Variants in SOX13 observed in about 807,000 individuals in gnomAD.
The protein encoded by SOX13 is SRY-box transcription factor 13.
SOX13 carries 28 observed loss-of-function variants against 71.8 expected under a neutral mutation model. The ratio of observed to expected loss-of-function variants is 0.39; its 90% CI spans 0.29 to 0.53. SOX13 has a LOEUF of 0.53. SOX13 is among the 20% of genes least tolerant of loss of function. The pLI is 0.70. For missense variants in SOX13, 627 were observed against 810.3 expected, an observed-to-expected ratio of 0.77 and a Z score of 2.75; for synonymous variants, 309 against 317.8, an observed-to-expected ratio of 0.97 and a Z score of 0.29.
At chr1:204,085,752 G>A (rs1362567714) in intron 1 of SOX13, among the ~76,000 whole-genome samples, 1 of 151,708 alleles carries the variant, frequency 6.6e-6, no homozygotes, top group Non-Finnish European at 1.5e-5. Flanking sequence ...AGGCAGGTGG[G>A]TCACGAGGTC....
At chr1:204,122,998 C>G in intron 10 of SOX13, 35 bp downstream of exon 10, 1 of 1,516,250 alleles carries the variant, frequency 6.6e-7, no homozygotes, top group Non-Finnish European at 9.1e-7. Flanking sequence ...CTAGGGGCAG[C>G]AACAGATGGT....
intron 1 of SOX13, among the ~76,000 whole-genome samples, chr1:204,111,045 C>T (rs926704542): frequency 1.3e-5 from 2 of 152,200 alleles, no homozygotes; most frequent in Non-Finnish European, 2.9e-5. Context: ...GACTTTGCCT[C>T]TCAAACAAGC....
chr1:204,107,528 C>T (rs1656493051), intron 1 of SOX13, among the ~76,000 whole-genome samples: 1 of 152,100 alleles, frequency 6.6e-6, no homozygotes. Flanking sequence ...GGTCTGGAGC[C>T]TGGTACTGAT....
chr1:204,082,082 G>T (rs1258247250), intron 1 of SOX13, among the ~76,000 whole-genome samples: 2 of 151,708 alleles, frequency 1.3e-5, no homozygotes, highest in Non-Finnish European at 2.9e-5. Context: ...GTGTGTGTGG[G>T]GGGGAGGGAA....
At chr1:204,125,199 A>G (rs1424702891) in intron 13 of SOX13, among the ~76,000 whole-genome samples, 2 of 152,216 alleles carry the variant, frequency 1.3e-5, no homozygotes, top group Non-Finnish European at 2.9e-5. Context: ...TCACACAGAA[A>G]GGTTCCTGAC....
chr1:204,088,330 C>A (rs936621856), intron 1 of SOX13, among the ~76,000 whole-genome samples: 1 of 152,134 alleles, frequency 6.6e-6, no homozygotes, highest in South Asian at 2.1e-4. Context: ...ACTCTGGGTT[C>A]TCCTAGCCAG....
chr1:204,125,903 C>T lies in SOX13; in HGVS notation c.1638C>T (p.Tyr546=), dbSNP rs959120111. The T allele has an allele frequency of 1.9e-6, 3 of 1,613,008 alleles. No homozygotes were observed. Among genetic ancestry groups the T allele is most frequent in the Admixed American group, 3.3e-5 (2 of 59,966 alleles). ...AGATGAGCTCCTCAGATGTCCTGTA[C>T]CCTCGGGCAGCAGGCATGCCGCTGG... ...QVQMSSSDVL[Y]PRAAGMPLAQ... Residue 546 remains tyrosine (Y), a synonymous_variant, in exon 14 of 14, where the codon TAC becomes TAT. Transcript: ENST00000367204.
chr1:204,095,458 A>G (rs1656234589), intron 1 of SOX13, among the ~76,000 whole-genome samples: 1 of 152,078 alleles, frequency 6.6e-6, no homozygotes, highest in Admixed American at 6.6e-5. Flanking sequence ...TGCTGCTTCT[A>G]GACACTTCAA....
Position 204,124,823 on chromosome 1 carries a change from C to A in SOX13, c.1558C>A (p.Arg520=). The part of the protein sequence containing the change: ...VGEYKALMRT[R]RQDARQSYVI... The stretch of plus-strand genomic sequence containing the variant: ...AGAGTACAAGGCCCTGATGAGGACC[C>A]GGCGTCAGGATGCCCGCCAGAGCTA... Residue 520 remains arginine (R), a synonymous_variant, in exon 13 of 14, where the codon CGG becomes AGG. Transcript: ENST00000367204. The A allele has an allele frequency of 1.3e-6, 2 of 1,582,256 alleles. No individual in the cohort carries two copies. Among genetic ancestry groups the A allele is most frequent in the East Asian group, 2.3e-5 (1 of 42,850 alleles).
chr1:204,105,675 G>T (rs374910559), intron 1 of SOX13, among the ~76,000 whole-genome samples: 1 of 152,112 alleles, frequency 6.6e-6, no homozygotes, highest in Non-Finnish European at 1.5e-5. Context: ...CAAAGTGCTG[G>T]GATTACAGAT....
Position 204,114,381 on chromosome 1 carries a change from G to C in SOX13, c.280G>C (p.Ala94Pro), listed in dbSNP as rs1187081664. The C allele has an allele frequency of 6.2e-7, 1 of 1,612,472 alleles. No individual in the cohort carries two copies. Among genetic ancestry groups the C allele is most frequent in the Admixed American group, 1.7e-5 (1 of 59,812 alleles). ...ACCCAAGAGACCAGGAGTGTCGGAGGCTGCCTCTGGAAGCCAGGAGAAGCT... is the reference window on the plus strand; with the variant it reads ...ACCCAAGAGACCAGGAGTGTCGGAGCCTGCCTCTGGAAGCCAGGAGAAGCT... ...PEPKRPGVSE[A>P]ASGSQEKLDF... The change falls in exon 3 of 14, where the codon GCT (alanine) becomes CCT (proline). Residue 94 changes from alanine (A) to proline (P), a missense_variant. Coordinates refer to ENST00000367204, the MANE Select transcript of SOX13 (RefSeq NM_005686.3).
intron 5 of SOX13, 123 bp downstream of exon 5, chr1:204,116,802 G>C (rs529911479): frequency 6.7e-7 from 1 of 1,501,962 alleles, no homozygotes; most frequent in Non-Finnish European, 8.9e-7. Context: ...AGGCTGGGCA[G>C]GGTCTGTGGC....
intron 1 of SOX13, among the ~76,000 whole-genome samples, chr1:204,096,086 T>C (rs566313592): frequency 1.3e-5 from 2 of 152,258 alleles, no homozygotes; most frequent in South Asian, 4.1e-4. Flanking sequence ...GACACTTGAG[T>C]TGTTTCCCAT....
At chr1:204,113,195 C>T (rs760312) in intron 2 of SOX13, 61 bp downstream of exon 2, 627,928 of 1,365,862 alleles carry the variant, frequency 0.46, 147,191 homozygotes, top group Middle Eastern at 0.53. Context: ...GCTCTCTGCT[C>T]GGCTGGGCAG....
intron 1 of SOX13, among the ~76,000 whole-genome samples, chr1:204,092,082 C>CTGT (rs1406158430): frequency 3.7e-4 from 56 of 151,988 alleles, no homozygotes; most frequent in African/African-American, 1.2e-3. Context: ...GGGTCTTGCT[C>CTGT]TGTTGCCCAG....
At chr1:204,089,458 C>A (rs1269393120) in intron 1 of SOX13, among the ~76,000 whole-genome samples, 1 of 152,164 alleles carries the variant, frequency 6.6e-6, no homozygotes, top group Non-Finnish European at 1.5e-5. Context: ...GACAGTGATG[C>A]CTGGAACAAA....
intron 1 of SOX13, among the ~76,000 whole-genome samples, chr1:204,076,305 A>G (rs760099609): frequency 6.6e-6 from 1 of 152,146 alleles, no homozygotes; most frequent in Non-Finnish European, 1.5e-5. Flanking sequence ...GTGAATTTCC[A>G]GAGCAAAGAG....
Position 204,081,586 on chromosome 1 carries a change from G to A in SOX13, c.-2+7875G>A, listed in dbSNP as rs1000460970. On this transcript the variant is annotated intron_variant, in intron 1 of 13. Transcript: ENST00000367204. The surrounding 1 kb of genome is among the most constrained non-coding windows in gnomAD (Gnocchi z 4.3). ...TGGGGCCTCCTGCTTTGGCCCTGGC[G>A]CCTAGGAAAGGCTAGACAGGGAGGG... 2.6e-5 allele frequency among the ~76,000 whole-genome samples: 4 copies of A among 152,166 alleles called. No individual in the cohort carries two copies. Among genetic ancestry groups the A allele is most frequent in the Non-Finnish European group, 4.4e-5 (3 of 68,022 alleles).
At position 204,081,701 on chromosome 1, in the gene SOX13, G is replaced by C. The variant is rs998199403; in HGVS notation, c.-2+7990G>C. ...GCAGGACCTGGCACTCCTCAGAGTG[G>C]AGGGTGAGGAGGGTTTTCTGTCTTA... is the stretch of plus-strand genomic sequence containing the variant. On this transcript the variant is annotated intron_variant, in intron 1 of 13. Transcript: ENST00000367204. The surrounding 1 kb of genome is among the most constrained non-coding windows in gnomAD (Gnocchi z 4.3). Among the ~76,000 whole-genome samples the C allele has an allele frequency of 1.3e-5, 2 of 152,222 alleles. No individual in the cohort carries two copies. The highest frequency in any genetic ancestry group is 6.5e-5 in the Admixed American group (1 of 15,284).
Sources: allele counts gnomAD v4.1 joint callset (sites outside exome capture counted in the v4.1 genomes callset), GRCh38; gene constraint gnomAD v4.1.1; non-coding constraint Gnocchi (gnomAD v3.1); transcripts MANE v1.5; gene names NCBI Gene and HGNC (gene_info 2026-07-23, HGNC 2026-07-21).